Variants in DDHD2 observed in about 807,000 individuals in gnomAD.
DDHD2 encodes the protein DDHD domain containing 2.
Under a neutral mutation model 91.2 loss-of-function variants are expected in DDHD2, and 62 were observed. That is an observed-to-expected ratio of 0.68 (90% CI 0.55 to 0.84). The LOEUF is 0.84. Ranked by LOEUF, DDHD2 falls within the 40% of genes least tolerant of loss-of-function variation. DDHD2 has a pLI of 0.00. For missense variants in DDHD2, 740 were observed against 846.9 expected (o/e 0.87, Z 1.57); for synonymous variants, 271 against 293.9 (o/e 0.92, Z 0.80).
chr8:38,265,990 AT>A, downstream of DDHD2: 1 of 526,268 alleles, frequency 1.9e-6, no homozygotes, highest in Non-Finnish European at 3.1e-6. Context: ...CTTTCCTATA[AT>A]TTTAAATGTA....
chr8:38,250,263 C>CT (rs34440135), intron 11 of DDHD2: 109,680 of 142,368 alleles, frequency 0.77, 40,630 homozygotes, highest in South Asian at 0.89. Context: ...TTTTTACATT[C>CT]TTTTTTTTTT....
At chr8:38,244,023 G>A (rs191442754) in intron 7 of DDHD2, among the ~76,000 whole-genome samples, 2 of 151,574 alleles carry the variant, frequency 1.3e-5, no homozygotes, top group African/African-American at 2.4e-5. Flanking sequence ...GGCTGGTCTC[G>A]AACTCTTGAC....
chr8:38,266,117 C>T, downstream of DDHD2: 2 of 1,610,708 alleles, frequency 1.2e-6, no homozygotes, highest in Non-Finnish European at 1.7e-6. Flanking sequence ...ATGCAAGCTT[C>T]CATAGCCTGA....
chr8:38,255,325 A>G lies in DDHD2; in HGVS notation c.2054+1607A>G, dbSNP rs756789442. The G allele has an allele frequency of 1.2e-5, 6 of 510,708 alleles. No individual in the cohort carries two copies. The East Asian group carries it at 2.8e-4, about 24-fold the overall frequency. 31.6% of individuals were successfully genotyped at this position (510,708 alleles called of 1,614,324 possible). A position where few individuals can be genotyped will look rare whatever the true frequency, so the allele number is the denominator to read the frequency against. ...ATATATACAGTAGAGGCCAAAAGCA[A>G]TCTTGTAAGGGGCTAAAATAATGCT... On this transcript the variant is annotated intron_variant, in intron 16 of 17. Coordinates refer to ENST00000397166, the MANE Select transcript of DDHD2 (RefSeq NM_015214.3).
chr8:38,233,099 C>G lies in DDHD2; in HGVS notation c.105C>G (p.Ser35Arg), dbSNP rs1358332959. 6.2e-7 allele frequency: 1 copy of G among 1,614,084 alleles called. No homozygotes were observed. The highest frequency in any genetic ancestry group is 1.7e-5 in the Admixed American group (1 of 59,998). The change falls in exon 2 of 18, where the codon AGC becomes AGG. Residue 35 changes from serine to arginine, a missense_variant. This residue lies in a region of DDHD2 where 693 missense variants were observed against 764.2 expected (regional missense o/e 0.91). Coordinates refer to ENST00000397166, the MANE Select transcript of DDHD2 (RefSeq NM_015214.3). ...SFELIDMDAG[S>R]LYEPVSPHWF... ...AGCTAATAGACATGGATGCTGGCAGCTTGTATGAACCAGTTTCTCCCCATT... is the reference window on the plus strand; with the variant it reads ...AGCTAATAGACATGGATGCTGGCAGGTTGTATGAACCAGTTTCTCCCCATT...
chr8:38,266,086 T>A, downstream of DDHD2: 1 of 1,552,572 alleles, frequency 6.4e-7, no homozygotes, highest in Non-Finnish European at 8.8e-7. Context: ...TGCTAGGTGC[T>A]AGGAATAAAA....
chr8:38,236,328 T>C (rs1233159711), intron 3 of DDHD2, among the ~76,000 whole-genome samples: 1 of 139,304 alleles, frequency 7.2e-6, no homozygotes, highest in African/African-American at 2.6e-5. Context: ...TTGTTTTTGG[T>C]TTTTTTTTTT....
chr8:38,253,247 T>C, intron 15 of DDHD2, 120 bp downstream of exon 15: 1 of 1,139,016 alleles, frequency 8.8e-7, no homozygotes, highest in Non-Finnish European at 1.2e-6. Flanking sequence ...TTGCATTCTT[T>C]TGCTTTAGTT....
downstream of DDHD2, chr8:38,263,490 G>A: frequency 1.0e-6 from 1 of 985,380 alleles, no homozygotes. Context: ...TAGTAGTGCT[G>A]AAACCACACT....
chr8:38,234,256 A>G (rs1466005959), intron 2 of DDHD2, 138 bp from the exon 3 acceptor site: 3 of 520,562 alleles, frequency 5.8e-6, no homozygotes, highest in Non-Finnish European at 9.6e-6. Flanking sequence ...ATTAAATTCC[A>G]TTTTGTTTGG....
chr8:38,239,709 T>TAA (rs768307999), intron 5 of DDHD2, among the ~76,000 whole-genome samples: 2 of 112,472 alleles, frequency 1.8e-5, no homozygotes, highest in Admixed American at 9.0e-5. Flanking sequence ...AACCATAATT[T>TAA]AAAAAAAAAA....
At chr8:38,271,404 C>G (rs182916398), downstream of DDHD2, 6 of 152,056 alleles carry the variant, frequency 3.9e-5, no homozygotes, top group Non-Finnish European at 8.8e-5. Context: ...ATTATCCCCC[C>G]CCTTACCCTT....
chr8:38,245,954 A>G lies in DDHD2; in HGVS notation c.1057+4A>G. 1 of 1,611,154 alleles carries G rather than the reference A, an allele frequency of 6.2e-7. No homozygotes were observed. The highest frequency in any genetic ancestry group is 8.5e-7 in the Non-Finnish European group (1 of 1,178,610). ...TCCATTGCTGGTCATAGTTTAGGTAACAAAATGAGTTCTGTGTGACCAGAG... is the reference window on the plus strand; with the variant it reads ...TCCATTGCTGGTCATAGTTTAGGTAGCAAAATGAGTTCTGTGTGACCAGAG... On this transcript the variant is annotated splice_donor_region_variant and intron_variant, in intron 8 of 17. Transcript: ENST00000397166.
At chr8:38,255,345 A>G (rs747342285) in intron 16 of DDHD2, 9 of 509,894 alleles carry the variant, frequency 1.8e-5, no homozygotes, top group Admixed American at 6.0e-5. Context: ...GGGCTAAAAT[A>G]ATGCTAAGAA....
Position 38,251,950 on chromosome 8 carries a change from A to G in DDHD2, c.1383A>G (p.Ala461=), listed in dbSNP as rs1400178435. The G allele has an allele frequency of 2.5e-6, 4 of 1,614,074 alleles. No homozygotes were observed. In the African/African-American group the frequency reaches 5.3e-5, roughly 22 times the overall value. ...CAGCCCCGCAGCCTGCTTCAGGGGC[A>G]AACATCCCCAAAGAATCTGAGTTCT... ...KRPAPQPASG[A]NIPKESEFCS... The change falls in exon 12 of 18, where the codon GCA becomes GCG. Residue 461 remains alanine, a synonymous_variant. Transcript: ENST00000397166.
rs559596717 is a variant in DDHD2 at position 38,235,331 on chromosome 8, C to G, written c.411+747C>G. Among the ~76,000 whole-genome samples the G allele has an allele frequency of 3.3e-5, 5 of 152,154 alleles. No homozygotes were observed. The South Asian group carries it at 1.0e-3, about 32-fold the overall frequency. On this transcript the variant is annotated intron_variant, in intron 3 of 17. Coordinates refer to ENST00000397166, the MANE Select transcript of DDHD2 (RefSeq NM_015214.3). ...CAAATGATCTGCTGGCCTCGGCCTC[C>G]CAAAGTGCTGGGATTACAGGTGTGA...
Position 38,236,779 on chromosome 8 carries a change from C to A in DDHD2, c.412-759C>A, listed in dbSNP as rs978835006. Among the ~76,000 whole-genome samples, 4 of 152,056 alleles carry A rather than the reference C, an allele frequency of 2.6e-5. 1 individual carries two copies. Among genetic ancestry groups the A allele is most frequent in the African/African-American group, 9.7e-5 (4 of 41,406 alleles). On this transcript the variant is annotated intron_variant, in intron 3 of 17. Coordinates refer to ENST00000397166, the MANE Select transcript of DDHD2 (RefSeq NM_015214.3). The stretch of plus-strand genomic sequence containing the variant: ...AGGTGATCCACCCGCCTTGGCCTTC[C>A]AAAGTGCTGGGATTATAGGCGTGAG...
In DDHD2 at chr8:38,251,694, A is replaced by G. The variant is rs1806119975; in HGVS notation, c.1345-218A>G. 5 of 390,362 alleles carry G rather than the reference A, an allele frequency of 1.3e-5. No individual in the cohort carries two copies. The South Asian group carries it at 2.7e-4, about 21-fold the overall frequency. 24.2% of individuals were successfully genotyped at this position (390,362 alleles called of 1,614,324 possible). On this transcript the variant is annotated intron_variant, in intron 11 of 17. Transcript: ENST00000397166. Reference sequence around the variant, plus strand: ...AGAACTTTCCCAAGGGTCCTTTCAAACCAGTAGAAAACTATATAATCCTTT... The same window carrying G: ...AGAACTTTCCCAAGGGTCCTTTCAAGCCAGTAGAAAACTATATAATCCTTT...
At chr8:38,242,095 A>G in intron 6 of DDHD2, 155 bp from the exon 7 acceptor site, 1 of 599,932 alleles carries the variant, frequency 1.7e-6, no homozygotes, top group Middle Eastern at 4.1e-4. Context: ...TCCTATATGC[A>G]TTCATAATTT....
Sources: gnomAD v4.1 joint callset for allele counts (sites outside exome capture counted in the v4.1 genomes callset) on GRCh38, gnomAD v4.1.1 for gene constraint, gnomAD v4.1.1 regional missense constraint, MANE v1.5 for transcripts, NCBI Gene and HGNC (gene_info 2026-07-23, HGNC 2026-07-21) for gene names.